Variants in COL11A1 observed in about 807,000 individuals in gnomAD.
COL11A1 encodes collagen type XI alpha 1 chain.
In COL11A1, 74 loss-of-function variants were observed where a neutral mutation model predicts 265.2. The observed-to-expected ratio is 0.28, with a 90% CI of 0.23 to 0.34. The LOEUF (loss-of-function observed/expected upper bound fraction) is 0.34, where lower values mean the gene tolerates loss of function less well. Ranked by LOEUF, COL11A1 falls within the 10% of genes least tolerant of loss-of-function variation. The pLI is 1.00. For synonymous variants in COL11A1, 816 were observed against 727.6 expected, an observed-to-expected ratio of 1.12 and a Z score of -1.96; for missense variants, 2,165 against 2,263.6, an observed-to-expected ratio of 0.96 and a Z score of 0.88.
intron 30 of COL11A1, among the ~76,000 whole-genome samples, chr1:102,984,813 GT>G (rs1169984843): frequency 2.6e-5 from 4 of 151,958 alleles, no homozygotes; most frequent in Non-Finnish European, 5.9e-5. Context: ...AATAATGATG[GT>G]TTTTGTGGAG....
At chr1:102,974,460 TGAA>T (rs1662272861) in intron 36 of COL11A1, among the ~76,000 whole-genome samples, 2 of 152,224 alleles carry the variant, frequency 1.3e-5, no homozygotes, top group African/African-American at 4.8e-5. Flanking sequence ...AAGTGATATT[TGAA>T]GAAGGTTATT....
chr1:103,052,147 TC>T (rs1669887936), intron 4 of COL11A1, among the ~76,000 whole-genome samples: 1 of 151,308 alleles, frequency 6.6e-6, no homozygotes, highest in South Asian at 2.1e-4. Flanking sequence ...TATGGCCTTG[TC>T]TCTACTCTAA....
intron 5 of COL11A1, among the ~76,000 whole-genome samples, chr1:103,028,197 A>AT (rs1667703782): frequency 6.6e-6 from 1 of 151,988 alleles, no homozygotes; most frequent in Non-Finnish European, 1.5e-5. Context: ...TGCCCGGCTA[A>AT]TTTTTTAAAC....
At chr1:102,960,466 A>G (rs539838956) in intron 41 of COL11A1, among the ~76,000 whole-genome samples, 1 of 107,422 alleles carries the variant, frequency 9.3e-6, no homozygotes, top group Non-Finnish European at 2.0e-5. Context: ...GAGATATAAT[A>G]AAGGTCACTG....
rs755632297 is a variant in COL11A1 at position 102,939,092 on chromosome 1, A to G, written c.3385-4T>C. 2 of 1,613,426 alleles carry G rather than the reference A, an allele frequency of 1.2e-6. No homozygotes were observed. Among genetic ancestry groups the G allele is most frequent in the Non-Finnish European group, 8.5e-7 (1 of 1,179,560 alleles). On this transcript the variant is annotated splice_region_variant and splice_polypyrimidine_tract_variant and intron_variant, in intron 43 of 66. Transcript: ENST00000370096. ...GTCCCGGCTCACCAATTTCACCCTG[A>G]AATTGAAAGATTTGACTTAGAGTTT...
intron 46 of COL11A1, among the ~76,000 whole-genome samples, chr1:102,928,359 T>C (rs965328508): frequency 6.6e-6 from 1 of 151,480 alleles, no homozygotes; most frequent in Non-Finnish European, 1.5e-5. Context: ...TGTTTGGTTT[T>C]TTGTTCTTGC....
rs545087065 is a variant in COL11A1 at position 103,088,472 on chromosome 1, A to G, written c.107-5500T>C. The stretch of plus-strand genomic sequence containing the variant: ...GCTGCCTATTTTTATATGGTACATG[A>G]TGTAAGAATAATTGTACATTTTAAA... On this transcript the variant is annotated intron_variant, in intron 1 of 66. Coordinates refer to ENST00000370096, the MANE Select transcript of COL11A1 (RefSeq NM_001854.4). 3.3e-5 allele frequency among the ~76,000 whole-genome samples: 5 copies of G among 152,330 alleles called. No homozygotes were observed. In the East Asian group the frequency reaches 9.6e-4, roughly 29 times the overall value.
At chr1:102,958,312 C>T (rs1660564523) in intron 41 of COL11A1, among the ~76,000 whole-genome samples, 2 of 151,940 alleles carry the variant, frequency 1.3e-5, no homozygotes, top group South Asian at 4.1e-4. Flanking sequence ...AATCCCTACT[C>T]CTGATTCTTT....
intron 4 of COL11A1, among the ~76,000 whole-genome samples, chr1:103,049,442 G>A (rs774803542): frequency 1.3e-5 from 2 of 151,782 alleles, no homozygotes; most frequent in Admixed American, 6.6e-5. Context: ...TTCTGTTTTC[G>A]ATTTGCTTGG....
intron 4 of COL11A1, among the ~76,000 whole-genome samples, chr1:103,058,746 CA>C (rs142609314): frequency 2.0e-5 from 3 of 152,236 alleles, no homozygotes; most frequent in African/African-American, 7.2e-5. Flanking sequence ...TCAGAACACA[CA>C]AAACATTTAT....
chr1:103,041,751 T>C (rs532273755), intron 4 of COL11A1, among the ~76,000 whole-genome samples: 17 of 152,166 alleles, frequency 1.1e-4, no homozygotes, highest in African/African-American at 4.1e-4. Context: ...ACCTGTTTCC[T>C]CTACAAAATA....
chr1:102,954,570 C>T (rs954868524), intron 41 of COL11A1, among the ~76,000 whole-genome samples: 21 of 152,192 alleles, frequency 1.4e-4, no homozygotes, highest in African/African-American at 5.1e-4. Context: ...TTCAGCCAGG[C>T]ACCTTGGCTC....
rs780298913 is a variant in COL11A1 at position 102,881,751 on chromosome 1, T to C, written c.4986A>G (p.Ser1662=). 3 of 1,612,040 alleles carry C rather than the reference T, an allele frequency of 1.9e-6. No homozygotes were observed. The highest frequency in any genetic ancestry group is 3.3e-5 in the Admixed American group (2 of 59,926). Residue 1662 remains serine, a synonymous_variant, in exon 65 of 67, where the codon TCA becomes TCG. Transcript: ENST00000370096. ...AACTTCCTGGTTTCTCCTTTGGCCA[T>C]GATGAAATTCTTACCTGTTGCAAAG... ...DKKSEGVRIS[S]WPKEKPGSWF... is the part of the protein sequence containing the mutation.
intron 1 of COL11A1, among the ~76,000 whole-genome samples, chr1:103,093,242 A>C (rs539567915): frequency 1.3e-5 from 2 of 152,244 alleles, no homozygotes; most frequent in South Asian, 4.1e-4. Context: ...AAAGCTGAAG[A>C]ATTTAATGCC....
intron 11 of COL11A1, among the ~76,000 whole-genome samples, chr1:103,016,382 G>T (rs548763882): frequency 6.6e-6 from 1 of 151,932 alleles, no homozygotes; most frequent in East Asian, 1.9e-4. Context: ...TGTACATTTA[G>T]AAGTTTAGGT....
intron 1 of COL11A1, among the ~76,000 whole-genome samples, chr1:103,086,240 C>T (rs1672844475): frequency 6.6e-6 from 1 of 152,056 alleles, no homozygotes; most frequent in South Asian, 2.1e-4. Flanking sequence ...TGCTCTGAAG[C>T]CATTCTCCAA....
chr1:103,036,441 T>C (rs1334533633), intron 4 of COL11A1, among the ~76,000 whole-genome samples: 1 of 148,676 alleles, frequency 6.7e-6, no homozygotes, highest in Non-Finnish European at 1.5e-5. Flanking sequence ...TTAAATAATA[T>C]ATATTTTTAA....
At chr1:102,981,430 A>G (rs1289683850) in intron 31 of COL11A1, among the ~76,000 whole-genome samples, 1 of 152,058 alleles carries the variant, frequency 6.6e-6, no homozygotes, top group Non-Finnish European at 1.5e-5. Context: ...TGTCCTGACT[A>G]GAAGAGGTAA....
At chr1:102,943,371 CT>C (rs1167969946) in intron 42 of COL11A1, among the ~76,000 whole-genome samples, 3 of 151,738 alleles carry the variant, frequency 2.0e-5, no homozygotes, top group Admixed American at 6.6e-5. Context: ...TATTCTCGAT[CT>C]TTTACATCCC....
Sources: allele counts gnomAD v4.1 joint callset (sites outside exome capture counted in the v4.1 genomes callset), GRCh38; gene constraint gnomAD v4.1.1; transcripts MANE v1.5; gene names NCBI Gene and HGNC (gene_info 2026-07-23, HGNC 2026-07-21).